Variants in FBXO42 observed in about 807,000 individuals in gnomAD.
The protein encoded by FBXO42 is F-box only protein 42.
In FBXO42, 12 loss-of-function variants were observed where a neutral mutation model predicts 71.7. That is an observed-to-expected ratio of 0.17 (90% CI 0.11 to 0.27). The LOEUF is 0.27. FBXO42 is among the 10% of genes least tolerant of loss of function. FBXO42 has a pLI of 1.00. For synonymous variants in FBXO42, 325 were observed against 327.5 expected (o/e 0.99, Z 0.08); for missense variants, 707 against 911.9 (o/e 0.78, Z 2.89).
intron 1 of FBXO42, among the ~76,000 whole-genome samples, chr1:16,339,788 C>T (rs11260730): frequency 6.6e-6 from 1 of 152,002 alleles, no homozygotes; most frequent in East Asian, 1.9e-4. Flanking sequence ...CTTTGCTTCA[C>T]CTGATCATAA....
intron 2 of FBXO42, among the ~76,000 whole-genome samples, chr1:16,307,956 A>G (rs1344747277): frequency 1.3e-5 from 2 of 152,210 alleles, no homozygotes; most frequent in Admixed American, 6.6e-5. Context: ...TATGTGGAGA[A>G]GCACAAGACC....
At chr1:16,320,717 G>T (rs1430069033) in intron 1 of FBXO42, among the ~76,000 whole-genome samples, 1 of 151,090 alleles carries the variant, frequency 6.6e-6, no homozygotes, top group Non-Finnish European at 1.5e-5. Context: ...GGAGTGCAGT[G>T]GCATGATCAA....
Position 16,247,889 on chromosome 1 carries a change from T to A in FBXO42, c.*2781A>T, listed in dbSNP as rs1463130121. 1 of 151,466 alleles carries A rather than the reference T, an allele frequency of 6.6e-6. No homozygotes were observed. The highest frequency in any genetic ancestry group is 1.9e-4 in the East Asian group (1 of 5,190). 9.4% of individuals were successfully genotyped at this position (151,466 alleles called of 1,614,324 possible). On this transcript the variant is annotated 3_prime_UTR_variant, in exon 10 of 10. Coordinates refer to ENST00000375592, the MANE Select transcript of FBXO42 (RefSeq NM_018994.3). ...GTAGGGAGAGACTAAAATTCTTAAG[T>A]AAGATGGACAAGGTGACCAGTGAAG...
chr1:16,285,078 G>A (rs570850642), intron 4 of FBXO42, among the ~76,000 whole-genome samples: 3 of 151,558 alleles, frequency 2.0e-5, no homozygotes, highest in South Asian at 2.1e-4. Flanking sequence ...CCTAGTTGGC[G>A]GAGGCTGCAG....
At chr1:16,291,364 A>G (rs955851901) in intron 4 of FBXO42, among the ~76,000 whole-genome samples, 7 of 151,680 alleles carry the variant, frequency 4.6e-5, no homozygotes, top group Non-Finnish European at 8.8e-5. Flanking sequence ...TGAGAATCTC[A>G]TGGGACTTTT....
At chr1:16,294,989 A>C in intron 3 of FBXO42, 72 bp from the exon 4 acceptor site, 1 of 1,475,218 alleles carries the variant, frequency 6.8e-7, no homozygotes, top group Non-Finnish European at 9.0e-7. Flanking sequence ...CATAACATAT[A>C]TTTTTCAAAG....
chr1:16,276,861 G>A (rs2100490237), intron 4 of FBXO42, among the ~76,000 whole-genome samples: 1 of 152,338 alleles, frequency 6.6e-6, no homozygotes, highest in East Asian at 1.9e-4. Flanking sequence ...TTTGAAAGCT[G>A]AGAATTCTAA....
chr1:16,339,089 C>T (rs138372460), intron 1 of FBXO42, among the ~76,000 whole-genome samples: 2,445 of 152,100 alleles, frequency 0.016, 62 homozygotes, highest in African/African-American at 0.055. Flanking sequence ...GGATTACAGG[C>T]GTAAGCCACC....
At chr1:16,332,273 AGT>A (rs2082507902) in intron 1 of FBXO42, among the ~76,000 whole-genome samples, 1 of 152,160 alleles carries the variant, frequency 6.6e-6, no homozygotes, top group Non-Finnish European at 1.5e-5. Flanking sequence ...TAAAAATGAC[AGT>A]AAATTTATAG....
At chr1:16,314,985 T>C (rs974658438) in intron 2 of FBXO42, among the ~76,000 whole-genome samples, 184 bp downstream of exon 2, 1 of 152,070 alleles carries the variant, frequency 6.6e-6, no homozygotes, top group South Asian at 2.1e-4. Context: ...TGGGATTAGA[T>C]ACTTCAGTAT....
intron 3 of FBXO42, among the ~76,000 whole-genome samples, chr1:16,295,468 G>A (rs762071424): frequency 1.3e-5 from 2 of 151,784 alleles, no homozygotes; most frequent in Non-Finnish European, 2.9e-5. Flanking sequence ...TCGGCTCACT[G>A]CAACATCTGC....
intron 4 of FBXO42, among the ~76,000 whole-genome samples, chr1:16,291,790 A>G (rs1047442246): frequency 6.6e-6 from 1 of 151,538 alleles, no homozygotes; most frequent in East Asian, 1.9e-4. Context: ...TCCCACCTCA[A>G]CCTCTCAAGT....
At chr1:16,343,030 G>A (rs2082621636) in intron 1 of FBXO42, among the ~76,000 whole-genome samples, 1 of 152,114 alleles carries the variant, frequency 6.6e-6, no homozygotes, top group African/African-American at 2.4e-5. Context: ...AGAACCATGA[G>A]CTAAATAAAC....
intron 4 of FBXO42, chr1:16,292,634 A>G (rs2082091142): frequency 6.6e-6 from 1 of 152,154 alleles, no homozygotes; most frequent in Non-Finnish European, 1.5e-5. Context: ...TAAAAAAAAA[A>G]AGTCTTACTC....
At chr1:16,286,817 C>T (rs1041451039) in intron 4 of FBXO42, among the ~76,000 whole-genome samples, 1 of 152,174 alleles carries the variant, frequency 6.6e-6, no homozygotes, top group Non-Finnish European at 1.5e-5. Flanking sequence ...CTTTCAAATG[C>T]CCAGGATAAA....
At position 16,250,728 on chromosome 1, in the gene FBXO42, T is replaced by A. The variant is rs1157434081; in HGVS notation, c.2096A>T (p.Gln699Leu). ...TGTTTTTGGATAGTACTTCACATTCTGTTTCTTGTCCATGAGTCCTCCAAA... is the reference window on the plus strand; with the variant it reads ...TGTTTTTGGATAGTACTTCACATTCAGTTTCTTGTCCATGAGTCCTCCAAA... ...IIFGGLMDKKQNVKYYPKTNA... is the reference protein window; with the variant it reads ...IIFGGLMDKKLNVKYYPKTNA... Residue 699 changes from glutamine (Q) to leucine (L), a missense_variant, in exon 10 of 10, where the codon CAG becomes CTG. Gln to Leu is a moderately radical substitution (Grantham distance 113). Transcript: ENST00000375592. The surrounding 1 kb of genome is among the most constrained non-coding windows in gnomAD (Gnocchi z 4.7). The A allele has an allele frequency of 6.2e-7, 1 of 1,614,196 alleles. No individual in the cohort carries two copies. The highest frequency in any genetic ancestry group is 1.7e-5 in the Admixed American group (1 of 60,022).
chr1:16,278,430 C>A (rs963162205), intron 4 of FBXO42, among the ~76,000 whole-genome samples: 1 of 151,898 alleles, frequency 6.6e-6, no homozygotes, highest in African/African-American at 2.4e-5. Context: ...ACGTTTGGGA[C>A]CTGAGCCAAA....
At chr1:16,326,565 T>G (rs2082454427) in intron 1 of FBXO42, among the ~76,000 whole-genome samples, 1 of 151,044 alleles carries the variant, frequency 6.6e-6, no homozygotes, top group Non-Finnish European at 1.5e-5. Context: ...ACACTTGTAG[T>G]CTCAGCTACT....
chr1:16,268,629 A>G (rs961779573), intron 4 of FBXO42, among the ~76,000 whole-genome samples: 3 of 152,072 alleles, frequency 2.0e-5, no homozygotes, highest in Admixed American at 2.0e-4. Flanking sequence ...TCCCTTAAAT[A>G]ACATCTTAAC....
Sources: gnomAD v4.1 joint callset for allele counts (sites outside exome capture counted in the v4.1 genomes callset) on GRCh38, gnomAD v4.1.1 for gene constraint, Gnocchi (gnomAD v3.1) non-coding constraint, MANE v1.5 for transcripts, NCBI Gene and HGNC (gene_info 2026-07-23, HGNC 2026-07-21) for gene names.